Variants in CAP1 observed in about 807,000 individuals in gnomAD.
CAP1 encodes cyclase associated actin cytoskeleton regulatory protein 1.
In CAP1, 11 loss-of-function variants were observed where a neutral mutation model predicts 58.2. That is an observed-to-expected ratio of 0.19 (90% CI 0.12 to 0.31). The LOEUF (loss-of-function observed/expected upper bound fraction) is 0.31. Ranked by LOEUF, CAP1 falls within the 10% of genes least tolerant of loss-of-function variation. The pLI, the probability that CAP1 is intolerant of heterozygous loss-of-function variation, is 1.00. For missense variants in CAP1, 423 were observed against 587.5 expected (o/e 0.72, Z 2.89); for synonymous variants, 183 against 213.8 (o/e 0.86, Z 1.26).
In CAP1 at chr1:40,067,695, T is replaced by C; in HGVS notation, c.786T>C (p.Asn262=). Residue 262 remains asparagine, a synonymous_variant, in exon 8 of 13, where the codon AAT becomes AAC. Transcript: ENST00000372805. ...GCTCATCACTGTTCGCGCAGATTAA[T>C]CAGGGGGAGAGCATTACACATGGTG... is the stretch of plus-strand genomic sequence containing the variant. ...ASRSSLFAQI[N]QGESITHALK... The C allele has an allele frequency of 6.2e-7, 1 of 1,600,396 alleles. No homozygotes were observed. The highest frequency in any genetic ancestry group is 1.1e-5 in the South Asian group (1 of 89,946).
chr1:40,069,440 A>G (rs984937112), intron 8 of CAP1: 1 of 359,984 alleles, frequency 2.8e-6, no homozygotes, highest in African/African-American at 2.1e-5. Flanking sequence ...GACATAGAGG[A>G]TAAGGATTTA....
In CAP1 at chr1:40,059,221, C is replaced by T. The variant is rs942958736; in HGVS notation, c.-10-116C>T. 21 of 600,614 alleles carry T rather than the reference C, an allele frequency of 3.5e-5. No individual in the cohort carries two copies. The African/African-American group carries it at 4.0e-4, about 11-fold the overall frequency. 37.2% of individuals were successfully genotyped at this position (600,614 alleles called of 1,614,324 possible). ...TCTAATTTTATTAAATTATTCTGTT[C>T]CTGAGAATTGGCATCCTCTTCATCC... On this transcript the variant is annotated intron_variant, in intron 1 of 12. Coordinates refer to ENST00000372805, the MANE Select transcript of CAP1 (RefSeq NM_006367.4).
intron 8 of CAP1, 169 bp from the exon 9 acceptor site, chr1:40,069,521 T>C (rs1262512149): frequency 7.8e-6 from 5 of 643,930 alleles, no homozygotes; most frequent in African/African-American, 1.9e-5. Flanking sequence ...TAATTTAATC[T>C]TGGGGAGAAG....
chr1:40,055,726 C>G (rs1158517547), intron 1 of CAP1, among the ~76,000 whole-genome samples: 1 of 152,136 alleles, frequency 6.6e-6, no homozygotes, highest in Non-Finnish European at 1.5e-5. Context: ...CCCGGCTAGT[C>G]TTGAACTCCT....
At chr1:40,043,398 A>G (rs1395185826) in intron 1 of CAP1, among the ~76,000 whole-genome samples, 2 of 150,936 alleles carry the variant, frequency 1.3e-5, no homozygotes, top group Non-Finnish European at 2.9e-5. Flanking sequence ...GGATTTTACC[A>G]TGCTGGCCAG....
intron 1 of CAP1, among the ~76,000 whole-genome samples, chr1:40,046,741 T>C (rs543813671): frequency 3.3e-5 from 5 of 152,272 alleles, no homozygotes; most frequent in Admixed American, 2.6e-4. Flanking sequence ...GTAGGCAGTT[T>C]GTAACACAGT....
intron 7 of CAP1, 64 bp from the exon 8 acceptor site, chr1:40,067,476 C>A: frequency 7.2e-7 from 1 of 1,395,856 alleles, no homozygotes; most frequent in Non-Finnish European, 9.8e-7. Flanking sequence ...ATGTAGGGCA[C>A]TACTGGGAAT....
Position 40,067,567 on chromosome 1 carries a change from C to G in CAP1, c.658C>G (p.Leu220Val). 1 of 1,610,060 alleles carries G rather than the reference C, an allele frequency of 6.2e-7. No individual in the cohort carries two copies. The highest frequency in any genetic ancestry group is 8.5e-7 in the Non-Finnish European group (1 of 1,178,018). Residue 220 changes from leucine to valine, a missense_variant, in exon 8 of 13, where the codon CTG becomes GTG. Transcript: ENST00000372805. ...TGPVAKELSG[L>V]PSGPSAGSCP... ...GCCTGTGGCAAAAGAACTGAGCGGA[C>G]TGCCATCTGGACCCTCTGCCGGATC... is the stretch of plus-strand genomic sequence containing the variant.
intron 12 of CAP1, 62 bp downstream of exon 12, chr1:40,071,041 T>C (rs1647858910): frequency 3.4e-6 from 5 of 1,466,244 alleles, no homozygotes; most frequent in Admixed American, 2.0e-5. Flanking sequence ...ATTTCTGGCA[T>C]TGAAGAAAGC....
At chr1:40,057,899 A>G (rs1333766746) in intron 1 of CAP1, among the ~76,000 whole-genome samples, 1 of 152,196 alleles carries the variant, frequency 6.6e-6, no homozygotes, top group Non-Finnish European at 1.5e-5. Flanking sequence ...CAAATACTTT[A>G]TGTAGAGGTG....
chr1:40,048,022 C>T (rs1402381415), intron 1 of CAP1, among the ~76,000 whole-genome samples: 1 of 151,316 alleles, frequency 6.6e-6, no homozygotes, highest in Admixed American at 6.6e-5. Context: ...AACAGTGGCT[C>T]CTGATTTGGG....
Position 40,071,909 on chromosome 1 carries a change from G to A in CAP1, c.*376G>A. On this transcript the variant is annotated 3_prime_UTR_variant, in exon 13 of 13. Coordinates refer to ENST00000372805, the MANE Select transcript of CAP1 (RefSeq NM_006367.4). ...TTAACAGATCAGAATGTTCACACTG[G>A]TTAATCTTTTTTTAACAATGAGCAT... The A allele has an allele frequency of 2.4e-6, 1 of 413,964 alleles. No individual in the cohort carries two copies. Among genetic ancestry groups the A allele is most frequent in the Non-Finnish European group, 4.3e-6 (1 of 233,752 alleles). The allele number at this position is 413,964 out of a possible 1,614,324, so 25.6% of individuals were successfully genotyped here.
In CAP1 at chr1:40,044,782, A is replaced by G. The variant is rs945349418; in HGVS notation, c.-11+3981A>G. Among the ~76,000 whole-genome samples the G allele has an allele frequency of 5.6e-5, 8 of 144,056 alleles. No homozygotes were observed. The South Asian group carries it at 1.1e-3, about 20-fold the overall frequency. 94.5% of individuals were successfully genotyped at this position (144,056 alleles called of 152,430 possible). Reference sequence around the variant, plus strand: ...TGGCACAATTGACATTTTGGGCCATATAATTCTTTTTTTTTTTTTTTTTTT... The same window carrying G: ...TGGCACAATTGACATTTTGGGCCATGTAATTCTTTTTTTTTTTTTTTTTTT... On this transcript the variant is annotated intron_variant, in intron 1 of 12. Coordinates refer to ENST00000372805, the MANE Select transcript of CAP1 (RefSeq NM_006367.4).
Position 40,069,452 on chromosome 1 carries a change from ATATCCT to A in CAP1, c.809-231_809-226del, listed in dbSNP as rs1340415712. 1.2e-5 allele frequency: 5 copies of A among 410,144 alleles called. No individual in the cohort carries two copies. In the South Asian group the frequency reaches 1.3e-4, roughly 10 times the overall value. The allele number at this position is 410,144 out of a possible 1,614,324, so 25.4% of individuals were successfully genotyped here. ...CTAGACATAGAGGATAAGGATTTAC[ATATCCT>A]TATCCTCACCCACAATATACACACA... is the stretch of plus-strand genomic sequence containing the variant. On this transcript the variant is annotated intron_variant, in intron 8 of 12. Transcript: ENST00000372805.
chr1:40,053,476 G>A (rs531786958), intron 1 of CAP1, among the ~76,000 whole-genome samples: 2 of 151,968 alleles, frequency 1.3e-5, no homozygotes, highest in South Asian at 4.2e-4. Flanking sequence ...TTGAGATGGA[G>A]TTTTGCTCTT....
chr1:40,070,352 C>G, intron 10 of CAP1, 70 bp downstream of exon 10: 2 of 1,608,220 alleles, frequency 1.2e-6, no homozygotes, highest in Middle Eastern at 1.7e-4. Flanking sequence ...ATTTTACCTA[C>G]CCTATCCTTA....
intron 2 of CAP1, 62 bp from the exon 3 acceptor site, chr1:40,060,005 C>A: frequency 7.4e-7 from 1 of 1,349,266 alleles, no homozygotes; most frequent in Non-Finnish European, 1.1e-6. Flanking sequence ...CATGTAGAAG[C>A]ACGTTTTAAA....
intron 4 of CAP1, among the ~76,000 whole-genome samples, chr1:40,063,014 TTG>T (rs1646921259): frequency 6.6e-6 from 1 of 151,880 alleles, no homozygotes; most frequent in Non-Finnish European, 1.5e-5. Context: ...AATTTTTTTT[TTG>T]AGACAGGGTG....
chr1:40,042,129 G>A (rs1368728389), intron 1 of CAP1, among the ~76,000 whole-genome samples: 1 of 152,078 alleles, frequency 6.6e-6, no homozygotes, highest in Non-Finnish European at 1.5e-5. Context: ...CCCCCACCTC[G>A]GCCTCCCAAA....
Sources: allele counts gnomAD v4.1 joint callset (sites outside exome capture counted in the v4.1 genomes callset), GRCh38; gene constraint gnomAD v4.1.1; transcripts MANE v1.5; gene names NCBI Gene and HGNC (gene_info 2026-07-23, HGNC 2026-07-21).